The following PRUNE2 variants were observed in gnomAD, a reference collection of about 807,000 sequenced individuals.
The protein encoded by PRUNE2 is protein prune homolog 2.
In PRUNE2, 164 loss-of-function variants were observed where a neutral mutation model predicts 252.0. The observed-to-expected ratio is 0.65, with a 90% confidence interval of 0.57 to 0.74. PRUNE2 has a LOEUF of 0.74. Ranked by LOEUF, PRUNE2 falls within the 30% of genes least tolerant of loss-of-function variation. PRUNE2 has a pLI of 0.00. For synonymous variants in PRUNE2, 1,292 were observed against 1,350.2 expected (o/e 0.96, Z 0.94); for missense variants, 3,495 against 3,711.0 (o/e 0.94, Z 1.51).
intron 15 of PRUNE2, among the ~76,000 whole-genome samples, chr9:76,632,729 A>T (rs1398036945): frequency 2.0e-5 from 3 of 151,534 alleles, no homozygotes; most frequent in African/African-American, 7.3e-5. Flanking sequence ...AGCTAAATTT[A>T]AAAAAAAATT....
intron 9 of PRUNE2, chr9:76,691,842 G>A (rs1381251431): frequency 1.3e-5 from 7 of 519,170 alleles, no homozygotes; most frequent in Admixed American, 3.6e-5. Flanking sequence ...AGAAAGGGGC[G>A]GGGACAGCAT....
rs1554817377 is a variant in PRUNE2, at chr9:76,865,847, A to ACC, written c.37-11641_37-11640dup. 7.3e-4 allele frequency among the ~76,000 whole-genome samples: 106 copies of ACC among 145,500 alleles called. 1 individual carries two copies. Among genetic ancestry groups the ACC allele is most frequent in the African/African-American group, 2.0e-3 (75 of 36,708 alleles). On this transcript the variant is annotated intron_variant, in intron 1 of 18. Transcript: ENST00000376718. ...CACACACACACACACACACACACAC[A>ACC]CCAGAGCATTATGACATGTGCATTA...
intron 1 of PRUNE2, among the ~76,000 whole-genome samples, chr9:76,860,140 C>T (rs1411733320): frequency 6.6e-6 from 1 of 152,148 alleles, no homozygotes; most frequent in East Asian, 1.9e-4. Flanking sequence ...GTCTCAGGAC[C>T]AGGGGGTGTT....
At chr9:76,893,583 G>A (rs971313225) in intron 1 of PRUNE2, among the ~76,000 whole-genome samples, 2 of 152,208 alleles carry the variant, frequency 1.3e-5, no homozygotes, top group African/African-American at 2.4e-5. Flanking sequence ...AGCCATCTAC[G>A]TAAATGCCAG....
chr9:76,709,923 T>C lies in PRUNE2; in HGVS notation c.2351A>G (p.Asn784Ser), dbSNP rs1234363268. 1.2e-6 allele frequency: 2 copies of C among 1,613,794 alleles called. No homozygotes were observed. Among genetic ancestry groups the C allele is most frequent in the Admixed American group, 1.7e-5 (1 of 60,008 alleles). ...SPTAMPEPWGNPTDDGEPAAV... is the reference protein window; with the variant it reads ...SPTAMPEPWGSPTDDGEPAAV... ...TGCTGGTTCACCATCATCTGTAGGA[T>C]TTCCCCAGGGCTCGGGCATGGCTGT... The change falls in exon 8 of 19, where the codon AAT becomes AGT. Residue 784 changes from asparagine (N) to serine (S), a missense_variant. By Grantham distance (46) the Asn-to-Ser change is conservative. Transcript: ENST00000376718.
At chr9:76,652,264 TG>T (rs2133265193) in intron 11 of PRUNE2, 1 of 492,842 alleles carries the variant, frequency 2.0e-6, no homozygotes, top group East Asian at 3.1e-5. Flanking sequence ...TAGCACAGAG[TG>T]GGGGTTAATA....
intron 9 of PRUNE2, among the ~76,000 whole-genome samples, chr9:76,669,467 G>A (rs541276971): frequency 9.2e-5 from 14 of 152,064 alleles, no homozygotes; most frequent in African/African-American, 3.1e-4. Context: ...TCACAGCTGC[G>A]GGCCACCACA....
intron 9 of PRUNE2, among the ~76,000 whole-genome samples, chr9:76,701,106 C>A (rs1421108578): frequency 6.6e-6 from 1 of 152,218 alleles, no homozygotes; most frequent in Non-Finnish European, 1.5e-5. Context: ...TGAAGCTCAG[C>A]TGGCTGGGCC....
At chr9:76,697,256 C>T (rs746155537) in intron 9 of PRUNE2, among the ~76,000 whole-genome samples, 5 of 152,194 alleles carry the variant, frequency 3.3e-5, no homozygotes, top group African/African-American at 1.2e-4. Context: ...CCTTTGTGGG[C>T]GTTCCTCCCA....
At chr9:76,884,186 T>A (rs186113518) in intron 1 of PRUNE2, among the ~76,000 whole-genome samples, 1 of 152,148 alleles carries the variant, frequency 6.6e-6, no homozygotes, top group Non-Finnish European at 1.5e-5. Flanking sequence ...TTATAGTTCC[T>A]AAGGAAGTGG....
chr9:76,754,547 T>G (rs1036205301), intron 6 of PRUNE2, among the ~76,000 whole-genome samples: 1 of 152,332 alleles, frequency 6.6e-6, no homozygotes, highest in Admixed American at 6.5e-5. Flanking sequence ...GGCCAAACAC[T>G]TCCTGTCTTT....
chr9:76,739,666 G>A (rs1362300564), intron 6 of PRUNE2: 1 of 152,006 alleles, frequency 6.6e-6, no homozygotes, highest in East Asian at 1.9e-4. Flanking sequence ...TATAAAGAGG[G>A]ATAAAGGCCA....
chr9:76,885,667 T>C (rs1008032816), intron 1 of PRUNE2, among the ~76,000 whole-genome samples: 4 of 152,070 alleles, frequency 2.6e-5, no homozygotes, highest in Admixed American at 6.5e-5. Flanking sequence ...CAAAGTACGA[T>C]GGCTATGCAT....
intron 1 of PRUNE2, among the ~76,000 whole-genome samples, chr9:76,881,989 T>G (rs1049269863): frequency 1.3e-5 from 2 of 152,144 alleles, no homozygotes; most frequent in African/African-American, 4.8e-5. Context: ...TTCTTTCACT[T>G]TGCATAATGT....
At chr9:76,901,868 T>A (rs1325740577) in intron 1 of PRUNE2, among the ~76,000 whole-genome samples, 2 of 152,218 alleles carry the variant, frequency 1.3e-5, no homozygotes, top group African/African-American at 4.8e-5. Flanking sequence ...ACTGTCCACC[T>A]TCTTGTTGAA....
chr9:76,858,062 C>A (rs1056332492), intron 1 of PRUNE2, among the ~76,000 whole-genome samples: 1 of 152,176 alleles, frequency 6.6e-6, no homozygotes, highest in Non-Finnish European at 1.5e-5. Flanking sequence ...GGATGATTCA[C>A]AAACAGACAA....
intron 6 of PRUNE2, among the ~76,000 whole-genome samples, chr9:76,749,680 T>C (rs2050441352): frequency 6.6e-6 from 1 of 152,190 alleles, no homozygotes; most frequent in African/African-American, 2.4e-5. Context: ...ATGTTTGACT[T>C]TACTGCGTCA....
intron 18 of PRUNE2, chr9:76,615,149 A>C: frequency 1.0e-6 from 1 of 985,716 alleles, no homozygotes; most frequent in South Asian, 4.7e-5. Flanking sequence ...TCAGAAGGTC[A>C]AATGGGTTCC....
chr9:76,635,839 A>C (rs1056069319), intron 15 of PRUNE2, among the ~76,000 whole-genome samples: 3 of 152,216 alleles, frequency 2.0e-5, no homozygotes, highest in African/African-American at 7.2e-5. Flanking sequence ...AACTATTTGA[A>C]GTCTTACTAT....
Sources: allele counts gnomAD v4.1 joint callset (sites outside exome capture counted in the v4.1 genomes callset), GRCh38; gene constraint gnomAD v4.1.1; transcripts MANE v1.5; gene names NCBI Gene and HGNC (gene_info 2026-07-23, HGNC 2026-07-21).